Variants in MIPOL1 observed in about 807,000 individuals in gnomAD.
MIPOL1 encodes the protein mirror-image polydactyly gene 1 protein.
Under a neutral mutation model 60.9 loss-of-function variants are expected in MIPOL1, and 57 were observed. The ratio of observed to expected loss-of-function variants is 0.94; its 90% confidence interval spans 0.76 to 1.17. The LOEUF (loss-of-function observed/expected upper bound fraction) is 1.17. Ranked by LOEUF, MIPOL1 falls within the 50% of genes most tolerant of loss-of-function variation. The pLI is 0.00. For missense variants in MIPOL1, 551 were observed against 511.6 expected, an observed-to-expected ratio of 1.08 and a Z score of -0.74; for synonymous variants, 179 against 168.8, an observed-to-expected ratio of 1.06 and a Z score of -0.47.
chr14:37,475,485 A>G (rs1272983073), intron 11 of MIPOL1, among the ~76,000 whole-genome samples: 1 of 152,078 alleles, frequency 6.6e-6, no homozygotes, highest in Non-Finnish European at 1.5e-5. Context: ...TACATCTAAC[A>G]ACTGATCATC....
intron 12 of MIPOL1, among the ~76,000 whole-genome samples, chr14:37,512,023 A>T (rs948410754): frequency 1.3e-5 from 2 of 152,178 alleles, no homozygotes; most frequent in African/African-American, 4.8e-5. Context: ...AATTTACAGG[A>T]GTTCTGCTCA....
chr14:37,464,791 A>T (rs1334619681), intron 11 of MIPOL1, among the ~76,000 whole-genome samples: 1 of 152,252 alleles, frequency 6.6e-6, no homozygotes, highest in Admixed American at 6.5e-5. Context: ...AATGCAACTT[A>T]TCTTTTCACA....
rs1176613843 is a variant in MIPOL1, at chr14:37,318,304, AAAT to A, written c.828+9789_828+9791del. Among the ~76,000 whole-genome samples the A allele has an allele frequency of 5.9e-5, 9 of 152,332 alleles. No homozygotes were observed. In the South Asian group the frequency reaches 1.4e-3, roughly 25 times the overall value. ...TAGTGTCTAGCATGTAATAGATACA[AAAT>A]AATGATGTTTAAAATATTAGAAATT... is the stretch of plus-strand genomic sequence containing the variant. On this transcript the variant is annotated intron_variant, in intron 9 of 12. Coordinates refer to ENST00000684589, the MANE Select transcript of MIPOL1 (RefSeq NM_001388067.1).
chr14:37,439,895 G>C (rs2094215385), intron 11 of MIPOL1, among the ~76,000 whole-genome samples: 1 of 152,138 alleles, frequency 6.6e-6, no homozygotes, highest in Non-Finnish European at 1.5e-5. Context: ...GTCTTCCTCT[G>C]TTGCTCAGGC....
chr14:37,440,430 C>T (rs1435098818), intron 11 of MIPOL1, among the ~76,000 whole-genome samples: 3 of 151,790 alleles, frequency 2.0e-5, no homozygotes, highest in Non-Finnish European at 2.9e-5. Flanking sequence ...CCTTTGTACC[C>T]CCTCACCTTT....
At chr14:37,270,009 A>T (rs964869085) in intron 5 of MIPOL1, among the ~76,000 whole-genome samples, 6 of 151,992 alleles carry the variant, frequency 3.9e-5, no homozygotes, top group Admixed American at 2.0e-4. Context: ...TTGTATTTTT[A>T]GTAGAGACGG....
intron 4 of MIPOL1, among the ~76,000 whole-genome samples, chr14:37,267,419 C>T (rs1053685368): frequency 1.3e-5 from 2 of 151,494 alleles, no homozygotes; most frequent in African/African-American, 2.4e-5. Context: ...ACCTGGGAGG[C>T]GGAGGTTGCA....
At chr14:37,283,215 G>A (rs568686229) in intron 6 of MIPOL1, among the ~76,000 whole-genome samples, 71 of 152,032 alleles carry the variant, frequency 4.7e-4, no homozygotes, top group East Asian at 9.7e-4. Context: ...ACGGGTGCCC[G>A]CCACCACATC....
At chr14:37,433,586 C>T (rs759312718) in intron 11 of MIPOL1, among the ~76,000 whole-genome samples, 4 of 152,006 alleles carry the variant, frequency 2.6e-5, no homozygotes, top group Non-Finnish European at 4.4e-5. Context: ...GACCAAGTCT[C>T]GATCTGTTGC....
At chr14:37,199,602 G>C (rs1347879122) in intron 1 of MIPOL1, among the ~76,000 whole-genome samples, 1 of 151,722 alleles carries the variant, frequency 6.6e-6, no homozygotes, top group Non-Finnish European at 1.5e-5. Flanking sequence ...TCGGCTTACT[G>C]CAACCTCCGC....
chr14:37,226,894 G>A (rs1035776007), intron 1 of MIPOL1, among the ~76,000 whole-genome samples: 2 of 152,176 alleles, frequency 1.3e-5, no homozygotes, highest in African/African-American at 2.4e-5. Flanking sequence ...TTGGGAGTTT[G>A]GAGATAAGAT....
chr14:37,543,722 T>A (rs187501816), intron 12 of MIPOL1, among the ~76,000 whole-genome samples: 2 of 152,378 alleles, frequency 1.3e-5, no homozygotes, highest in Admixed American at 1.3e-4. Context: ...TGTGGTCTTC[T>A]GACCTACAGG....
intron 10 of MIPOL1, among the ~76,000 whole-genome samples, chr14:37,414,940 T>C (rs1441368383): frequency 6.6e-6 from 1 of 152,184 alleles, no homozygotes; most frequent in Non-Finnish European, 1.5e-5. Flanking sequence ...TTTTTCCCTT[T>C]ACCTTACCTG....
intron 11 of MIPOL1, among the ~76,000 whole-genome samples, chr14:37,438,811 C>G (rs1370225520): frequency 6.6e-6 from 1 of 152,172 alleles, no homozygotes; most frequent in Non-Finnish European, 1.5e-5. Context: ...CCTTTAAGCT[C>G]TAGCATTATA....
intron 10 of MIPOL1, among the ~76,000 whole-genome samples, chr14:37,403,987 G>A (rs1595616905): frequency 6.6e-6 from 1 of 152,056 alleles, no homozygotes; most frequent in East Asian, 1.9e-4. Flanking sequence ...TTCCTGGCTT[G>A]TCTAAATCTT....
chr14:37,217,085 T>TA (rs770954913), intron 1 of MIPOL1, among the ~76,000 whole-genome samples: 1 of 152,128 alleles, frequency 6.6e-6, no homozygotes. Context: ...TTACAACTGA[T>TA]ACTGCAGAAA....
chr14:37,450,866 G>A (rs1307119851), intron 11 of MIPOL1, among the ~76,000 whole-genome samples: 2 of 151,930 alleles, frequency 1.3e-5, no homozygotes, highest in South Asian at 2.1e-4. Flanking sequence ...ATAAAATCGT[G>A]TCCACTTCCT....
At chr14:37,245,179 A>G (rs1018822086) in intron 1 of MIPOL1, among the ~76,000 whole-genome samples, 4 of 152,294 alleles carry the variant, frequency 2.6e-5, no homozygotes, top group South Asian at 2.1e-4. Flanking sequence ...TGGTGAATTT[A>G]TTAAAAGTAG....
chr14:37,534,054 C>T (rs763696446), intron 12 of MIPOL1, among the ~76,000 whole-genome samples: 1 of 146,008 alleles, frequency 6.8e-6, no homozygotes. Context: ...TGCCACTGCA[C>T]TCCATCCTGG....
Sources: allele counts gnomAD v4.1 joint callset (sites outside exome capture counted in the v4.1 genomes callset), GRCh38; gene constraint gnomAD v4.1.1; transcripts MANE v1.5; gene names NCBI Gene and HGNC (gene_info 2026-07-23, HGNC 2026-07-21).